Variants in STX8 observed in about 807,000 individuals in gnomAD.
The protein encoded by STX8 is syntaxin-8.
Under a neutral mutation model 37.5 loss-of-function variants are expected in STX8, and 23 were observed. The observed-to-expected ratio is 0.61, with a 90% CI of 0.44 to 0.87. The LOEUF (loss-of-function observed/expected upper bound fraction) is 0.87. Ranked by LOEUF, STX8 falls within the 40% of genes least tolerant of loss-of-function variation. The pLI is 0.00. For missense variants in STX8, 313 were observed against 284.7 expected (o/e 1.10, Z -0.71); for synonymous variants, 115 against 99.1 (o/e 1.16, Z -0.95).
chr17:9,425,059 C>A (rs1913577337), intron 6 of STX8, among the ~76,000 whole-genome samples: 1 of 152,088 alleles, frequency 6.6e-6, no homozygotes, highest in African/African-American at 2.4e-5. Flanking sequence ...TGATGAATGA[C>A]CAGGATTTTT....
chr17:9,445,102 T>C (rs1380722327), intron 6 of STX8, among the ~76,000 whole-genome samples: 2 of 152,138 alleles, frequency 1.3e-5, no homozygotes, highest in Non-Finnish European at 2.9e-5. Flanking sequence ...AAGTGTATTA[T>C]TCATGCACTC....
chr17:9,556,685 G>T (rs969223436), intron 3 of STX8, among the ~76,000 whole-genome samples: 2 of 148,606 alleles, frequency 1.3e-5, no homozygotes, highest in Non-Finnish European at 3.0e-5. Context: ...CAAGTGCTTG[G>T]CCTCCCAAAG....
At chr17:9,409,990 T>A (rs1465908447) in intron 6 of STX8, among the ~76,000 whole-genome samples, 2 of 150,238 alleles carry the variant, frequency 1.3e-5, no homozygotes, top group Non-Finnish European at 3.0e-5. Flanking sequence ...TTCCTATGAA[T>A]CGTAAGTACG....
intron 4 of STX8, among the ~76,000 whole-genome samples, chr17:9,512,798 A>G (rs928459507): frequency 6.6e-6 from 1 of 152,254 alleles, no homozygotes; most frequent in Non-Finnish European, 1.5e-5. Flanking sequence ...TCTCTTCAAT[A>G]AATGGTGTTG....
rs1357428348 is a variant in STX8 at position 9,396,753 on chromosome 17, T to C, written c.542-18100A>G. Among the ~76,000 whole-genome samples the C allele has an allele frequency of 3.4e-5, 5 of 148,742 alleles. No individual in the cohort carries two copies. In the East Asian group the frequency reaches 7.9e-4, roughly 23 times the overall value. ...ACAACTCTATATGATACTGTAAAGA[T>C]AGACAGGTGACATTATGCATGTATC... On this transcript the variant is annotated intron_variant, in intron 6 of 7. Transcript: ENST00000306357.
rs568000155 is a variant in STX8 at position 9,325,849 on chromosome 17, G to A, written c.643+52703C>T. Among the ~76,000 whole-genome samples, 45 of 152,364 alleles carry A rather than the reference G, an allele frequency of 3.0e-4. 1 individual carries two copies. The highest frequency in any genetic ancestry group is 1.0e-3 in the African/African-American group (43 of 41,598). ...CAGCCTTCCTACCAGCTAGAGCGTGGCCAGCCAGGTGCAATGACTCTGGAG... is the reference window on the plus strand; with the variant it reads ...CAGCCTTCCTACCAGCTAGAGCGTGACCAGCCAGGTGCAATGACTCTGGAG... On this transcript the variant is annotated intron_variant, in intron 7 of 7. Transcript: ENST00000306357.
chr17:9,449,019 G>C (rs1270661629), intron 6 of STX8, among the ~76,000 whole-genome samples: 1 of 151,990 alleles, frequency 6.6e-6, no homozygotes, highest in African/African-American at 2.4e-5. Context: ...CAAGAATAAG[G>C]TGCAACTGAA....
intron 7 of STX8, among the ~76,000 whole-genome samples, chr17:9,332,320 TC>T (rs1239878548): frequency 2.0e-5 from 3 of 152,110 alleles, no homozygotes; most frequent in African/African-American, 7.2e-5. Context: ...TCTCATCATT[TC>T]CCCCTCATCC....
At chr17:9,553,332 C>G (rs977357210) in intron 3 of STX8, 2 of 152,220 alleles carry the variant, frequency 1.3e-5, no homozygotes, top group African/African-American at 4.8e-5. Flanking sequence ...TCCATTTTAA[C>G]TTGACTTTTA....
chr17:9,258,014 A>G (rs917221737), intron 7 of STX8, among the ~76,000 whole-genome samples: 1 of 152,232 alleles, frequency 6.6e-6, no homozygotes, highest in Admixed American at 6.5e-5. Context: ...CAAAAAAAGC[A>G]TATTCTTTTT....
At chr17:9,484,240 A>C (rs1403879296) in intron 6 of STX8, among the ~76,000 whole-genome samples, 1 of 152,112 alleles carries the variant, frequency 6.6e-6, no homozygotes, top group Non-Finnish European at 1.5e-5. Flanking sequence ...CCTCCCTTCA[A>C]GGGGGTTCCA....
intron 6 of STX8, among the ~76,000 whole-genome samples, chr17:9,478,534 T>C (rs1431711563): frequency 6.6e-6 from 1 of 152,216 alleles, no homozygotes; most frequent in East Asian, 1.9e-4. Context: ...CCCAAATTAC[T>C]ATTAGCATAA....
At chr17:9,441,262 C>T (rs567486339) in intron 6 of STX8, among the ~76,000 whole-genome samples, 165 of 151,986 alleles carry the variant, frequency 1.1e-3, no homozygotes, top group Non-Finnish European at 2.0e-3. Flanking sequence ...GAGGCCAAGG[C>T]GGGCGGATCA....
At chr17:9,386,751 A>G (rs1912028042) in intron 6 of STX8, among the ~76,000 whole-genome samples, 1 of 152,232 alleles carries the variant, frequency 6.6e-6, no homozygotes, top group South Asian at 2.1e-4. Context: ...GAAACTCATG[A>G]GAAAATCAGT....
chr17:9,377,919 T>C (rs1165362340), intron 7 of STX8: 1 of 152,480 alleles, frequency 6.6e-6, no homozygotes, highest in African/African-American at 2.4e-5. Context: ...CAATACACAA[T>C]TTAAACCTCA....
chr17:9,502,239 T>C (rs1283896281), intron 5 of STX8, among the ~76,000 whole-genome samples: 1 of 152,156 alleles, frequency 6.6e-6, no homozygotes, highest in African/African-American at 2.4e-5. Flanking sequence ...CTCATTTATA[T>C]GCAGAATCTG....
intron 4 of STX8, among the ~76,000 whole-genome samples, chr17:9,540,323 C>T (rs1906229040): frequency 6.6e-6 from 1 of 152,134 alleles, no homozygotes; most frequent in African/African-American, 2.4e-5. Flanking sequence ...GCAGATTTCC[C>T]GGGGACTTTT....
chr17:9,255,610 C>A (rs1238978561), intron 7 of STX8, among the ~76,000 whole-genome samples: 1 of 151,866 alleles, frequency 6.6e-6, no homozygotes, highest in African/African-American at 2.4e-5. Context: ...GAGTGATGGA[C>A]ATCTTGGACA....
intron 4 of STX8, among the ~76,000 whole-genome samples, chr17:9,505,543 T>C (rs766432258): frequency 2.0e-5 from 3 of 152,320 alleles, no homozygotes; most frequent in East Asian, 1.9e-4. Flanking sequence ...AGAGGCTACG[T>C]GACCCCAAAG....
Sources: allele counts gnomAD v4.1 joint callset (sites outside exome capture counted in the v4.1 genomes callset), GRCh38; gene constraint gnomAD v4.1.1; transcripts MANE v1.5; gene names NCBI Gene and HGNC (gene_info 2026-07-23, HGNC 2026-07-21).